The following CNTN5 variants were observed in gnomAD, a reference collection of about 807,000 sequenced individuals.
The protein encoded by CNTN5 is contactin 5.
In CNTN5, 77 loss-of-function variants were observed where a neutral mutation model predicts 129.1. The ratio of observed to expected loss-of-function variants is 0.60; its 90% CI spans 0.50 to 0.72. The LOEUF (loss-of-function observed/expected upper bound fraction) is 0.72, where lower values mean the gene tolerates loss of function less well. CNTN5 is among the 30% of genes least tolerant of loss of function. The pLI is 0.00. For synonymous variants in CNTN5, 509 were observed against 465.6 expected (o/e 1.09, Z -1.20); for missense variants, 1,478 against 1,328.8 (o/e 1.11, Z -1.75).
Position 99,067,425 on chromosome 11 carries a change from A to G in CNTN5, c.-210+46155A>G, listed in dbSNP as rs1477424384. ...GGGAAGCAGACAATCAATGTTGACT[A>G]AAAAAAAAAAAAAAAGGTGAAATCT... is the stretch of plus-strand genomic sequence containing the variant. On this transcript the variant is annotated intron_variant, in intron 1 of 24. Transcript: ENST00000524871. Among the ~76,000 whole-genome samples the G allele has an allele frequency of 1.8e-3, 46 of 25,182 alleles. 1 individual carries two copies. The Admixed American group carries it at 0.018, about 10-fold the overall frequency. The allele number at this position is 25,182 out of a possible 152,430, so 16.5% of individuals were successfully genotyped here. A position where few individuals can be genotyped will look rare whatever the true frequency, so the allele number is the denominator to read the frequency against.
chr11:100,299,002 G>T (rs1951160198), intron 19 of CNTN5, among the ~76,000 whole-genome samples, 160 bp from the exon 20 acceptor site: 1 of 151,488 alleles, frequency 6.6e-6, no homozygotes, highest in African/African-American at 2.4e-5. Context: ...TTTCAAAGAA[G>T]TGCCAAAGTG....
At chr11:99,271,880 G>A (rs537981839) in intron 1 of CNTN5, among the ~76,000 whole-genome samples, 1 of 151,926 alleles carries the variant, frequency 6.6e-6, no homozygotes, top group South Asian at 2.1e-4. Flanking sequence ...TGTGTTTTAC[G>A]ACCTACCTTC....
intron 8 of CNTN5, among the ~76,000 whole-genome samples, chr11:99,973,236 C>T (rs999750257): frequency 6.6e-5 from 10 of 152,126 alleles, no homozygotes; most frequent in African/African-American, 2.4e-4. Context: ...GACATTTTAT[C>T]TCAATTAGTA....
intron 9 of CNTN5, among the ~76,000 whole-genome samples, chr11:100,044,555 A>C (rs1416308958): frequency 2.0e-5 from 3 of 151,012 alleles, no homozygotes; most frequent in Admixed American, 2.0e-4. Context: ...TTGTGGTTTT[A>C]ATTTGCATTG....
intron 1 of CNTN5, among the ~76,000 whole-genome samples, chr11:99,023,753 T>C (rs542492543): frequency 6.6e-6 from 1 of 152,316 alleles, no homozygotes; most frequent in South Asian, 2.1e-4. Context: ...CCTATTGTCT[T>C]TGAACTTTCT....
At chr11:99,351,467 C>T (rs1396043086) in intron 2 of CNTN5, among the ~76,000 whole-genome samples, 1 of 152,196 alleles carries the variant, frequency 6.6e-6, no homozygotes, top group South Asian at 2.1e-4. Flanking sequence ...CAAATTCCTC[C>T]TTCTATGCTT....
intron 3 of CNTN5, among the ~76,000 whole-genome samples, chr11:99,771,333 A>T (rs1341584690): frequency 6.6e-6 from 1 of 152,032 alleles, no homozygotes; most frequent in Non-Finnish European, 1.5e-5. Flanking sequence ...AATGCCCATC[A>T]ACTGATGAAT....
At chr11:99,488,565 A>G (rs1411719951) in intron 2 of CNTN5, among the ~76,000 whole-genome samples, 1 of 151,948 alleles carries the variant, frequency 6.6e-6, no homozygotes, top group Non-Finnish European at 1.5e-5. Flanking sequence ...TTCAACCAAG[A>G]ATCTTGCAAG....
chr11:99,049,807 G>A (rs1426356106), intron 1 of CNTN5: 1 of 152,028 alleles, frequency 6.6e-6, no homozygotes, highest in Non-Finnish European at 1.5e-5. Context: ...ATTGTCAATT[G>A]TCTATACAGC....
At chr11:99,534,703 C>T (rs975431627) in intron 2 of CNTN5, among the ~76,000 whole-genome samples, 1 of 151,926 alleles carries the variant, frequency 6.6e-6, no homozygotes, top group Non-Finnish European at 1.5e-5. Flanking sequence ...TTGAATATCA[C>T]CCTGTAATCA....
intron 9 of CNTN5, among the ~76,000 whole-genome samples, chr11:100,055,792 T>C (rs1459009776): frequency 6.6e-6 from 1 of 151,654 alleles, no homozygotes; most frequent in Non-Finnish European, 1.5e-5. Flanking sequence ...ATTCATGTCC[T>C]TCATTTTAGG....
intron 16 of CNTN5, among the ~76,000 whole-genome samples, chr11:100,234,634 G>A (rs1283777931): frequency 1.3e-5 from 2 of 151,462 alleles, no homozygotes; most frequent in South Asian, 2.1e-4. Flanking sequence ...CACACATCAG[G>A]GCCTGCCAGC....
chr11:100,260,450 C>A (rs1162095813), intron 17 of CNTN5, among the ~76,000 whole-genome samples: 2 of 152,148 alleles, frequency 1.3e-5, no homozygotes, highest in East Asian at 3.9e-4. Context: ...TTTTAAGAGG[C>A]CAACATCATC....
At chr11:99,170,787 G>C (rs1861111062) in intron 1 of CNTN5, among the ~76,000 whole-genome samples, 1 of 152,150 alleles carries the variant, frequency 6.6e-6, no homozygotes, top group Non-Finnish European at 1.5e-5. Context: ...TGCCACATTA[G>C]CATTTTGCAG....
intron 3 of CNTN5, among the ~76,000 whole-genome samples, chr11:99,757,853 T>C (rs1199333719): frequency 6.6e-6 from 1 of 152,088 alleles, no homozygotes; most frequent in Admixed American, 6.6e-5. Context: ...CACTTTGTTT[T>C]AAAGTTTAGA....
At chr11:99,148,425 TCTAATCA>T (rs1859890189) in intron 1 of CNTN5, among the ~76,000 whole-genome samples, 1 of 152,070 alleles carries the variant, frequency 6.6e-6, no homozygotes, top group South Asian at 2.1e-4. Context: ...GACAACTCTA[TCTAATCA>T]GCAAGGTGGG....
intron 1 of CNTN5, among the ~76,000 whole-genome samples, chr11:99,033,863 G>A (rs2135103662): frequency 6.6e-6 from 1 of 151,520 alleles, no homozygotes; most frequent in Non-Finnish European, 1.5e-5. Context: ...CAAAGGGAAT[G>A]CTTCCAGTTT....
At chr11:99,221,785 A>T (rs776281903) in intron 1 of CNTN5, among the ~76,000 whole-genome samples, 1 of 151,952 alleles carries the variant, frequency 6.6e-6, no homozygotes, top group Admixed American at 6.6e-5. Context: ...CACTTCGTAA[A>T]CAATTAAGGA....
intron 2 of CNTN5, among the ~76,000 whole-genome samples, chr11:99,506,223 C>T (rs1946611800): frequency 6.6e-6 from 1 of 152,140 alleles, no homozygotes; most frequent in Non-Finnish European, 1.5e-5. Flanking sequence ...GGCCCTTGCT[C>T]AGGATCGTAC....
Sources: allele counts gnomAD v4.1 joint callset (sites outside exome capture counted in the v4.1 genomes callset), GRCh38; gene constraint gnomAD v4.1.1; transcripts MANE v1.5; gene names NCBI Gene and HGNC (gene_info 2026-07-23, HGNC 2026-07-21).